Variants in UNC5C observed in about 807,000 individuals in gnomAD.
The protein encoded by UNC5C is unc-5 netrin receptor C, also known as netrin receptor UNC5C.
UNC5C carries 47 observed loss-of-function variants against 99.8 expected under a neutral mutation model. That is an observed-to-expected ratio of 0.47 (90% CI 0.37 to 0.60). The LOEUF (loss-of-function observed/expected upper bound fraction) is 0.60, where lower values mean the gene tolerates loss of function less well. UNC5C is among the 20% of genes least tolerant of loss of function. The pLI is 0.00. For missense variants in UNC5C, 1,062 were observed against 1,165.9 expected, an observed-to-expected ratio of 0.91 and a Z score of 1.30; for synonymous variants, 487 against 452.2, an observed-to-expected ratio of 1.08 and a Z score of -0.98.
At chr4:95,403,445 G>A (rs1466399655) in intron 1 of UNC5C, among the ~76,000 whole-genome samples, 2 of 152,160 alleles carry the variant, frequency 1.3e-5, no homozygotes, top group Non-Finnish European at 2.9e-5. Flanking sequence ...TAGACAGCAG[G>A]AGGCCACTGA....
chr4:95,403,016 G>A (rs1320707780), intron 1 of UNC5C, among the ~76,000 whole-genome samples: 1 of 152,058 alleles, frequency 6.6e-6, no homozygotes, highest in Admixed American at 6.6e-5. Flanking sequence ...AATTTGATGA[G>A]TATAAATTAC....
intron 3 of UNC5C, among the ~76,000 whole-genome samples, chr4:95,290,620 T>C (rs1357547475): frequency 6.6e-6 from 1 of 152,202 alleles, no homozygotes; most frequent in Non-Finnish European, 1.5e-5. Flanking sequence ...CTTCATAGGA[T>C]GTCGTATGAA....
chr4:95,193,196 G>A (rs1737228037), intron 12 of UNC5C, among the ~76,000 whole-genome samples: 1 of 152,210 alleles, frequency 6.6e-6, no homozygotes, highest in Non-Finnish European at 1.5e-5. Flanking sequence ...CTGCCACGAG[G>A]CCAGGCATCA....
At chr4:95,219,921 G>A in intron 8 of UNC5C, 64 bp downstream of exon 8, 1 of 1,534,418 alleles carries the variant, frequency 6.5e-7, no homozygotes, top group Admixed American at 1.9e-5. Flanking sequence ...TGACTCTAAA[G>A]TCATTGATTT....
At position 95,378,191 on chromosome 4, in the gene UNC5C, T is replaced by C. The variant is rs1013683389; in HGVS notation, c.125-42560A>G. 1.4e-3 allele frequency among the ~76,000 whole-genome samples: 220 copies of C among 152,318 alleles called. 2 individuals are homozygous for C. The highest frequency in any genetic ancestry group is 1.4e-3 in the Non-Finnish European group (98 of 68,022). ...GGAATACGCTGATGGAAATGAGAAT[T>C]ATAGTTTTAACAATTCATGTTAGTT... is the stretch of plus-strand genomic sequence containing the variant. On this transcript the variant is annotated intron_variant, in intron 1 of 15. Coordinates refer to ENST00000453304, the MANE Select transcript of UNC5C (RefSeq NM_003728.4).
chr4:95,270,191 C>A (rs1437569147), intron 4 of UNC5C, among the ~76,000 whole-genome samples: 2 of 152,122 alleles, frequency 1.3e-5, no homozygotes, highest in East Asian at 1.9e-4. Context: ...CAAAAAAGTT[C>A]TCTACTGTGG....
chr4:95,187,678 C>T (rs3796462), intron 12 of UNC5C, among the ~76,000 whole-genome samples: 84,765 of 152,106 alleles, frequency 0.56, 26,671 homozygotes, highest in Admixed American at 0.73. Context: ...AAGAATTCTC[C>T]CTAGTGGGGA....
chr4:95,187,532 C>G (rs1169970439), intron 12 of UNC5C, among the ~76,000 whole-genome samples: 2 of 152,164 alleles, frequency 1.3e-5, no homozygotes, highest in African/African-American at 2.4e-5. Flanking sequence ...GAAAAAAACC[C>G]AAACTGCCTA....
intron 1 of UNC5C, among the ~76,000 whole-genome samples, chr4:95,388,012 A>T (rs1208926366): frequency 1.3e-5 from 2 of 152,222 alleles, no homozygotes; most frequent in Non-Finnish European, 2.9e-5. Flanking sequence ...CATTTGCTTT[A>T]ACATTGAAAA....
intron 4 of UNC5C, among the ~76,000 whole-genome samples, chr4:95,263,361 G>A (rs1740317979): frequency 6.6e-6 from 1 of 152,074 alleles, no homozygotes; most frequent in Admixed American, 6.5e-5. Context: ...GTCTTTTAGG[G>A]ATATGCTAGC....
chr4:95,517,687 C>T (rs1266549540), intron 1 of UNC5C, among the ~76,000 whole-genome samples: 1 of 152,056 alleles, frequency 6.6e-6, no homozygotes, highest in African/African-American at 2.4e-5. Context: ...GGAATGGAGG[C>T]ACAGTACCAA....
intron 3 of UNC5C, among the ~76,000 whole-genome samples, chr4:95,295,909 A>G (rs1741652994): frequency 6.6e-6 from 1 of 152,228 alleles, no homozygotes; most frequent in South Asian, 2.1e-4. Context: ...ACATGGAGGG[A>G]CCCCTATTTC....
chr4:95,398,820 C>A (rs1745601866), intron 1 of UNC5C, among the ~76,000 whole-genome samples: 1 of 152,050 alleles, frequency 6.6e-6, no homozygotes, highest in African/African-American at 2.4e-5. Flanking sequence ...AACAGTGTGT[C>A]CTTTTTCTGC....
At chr4:95,253,266 A>G (rs1161401519) in intron 4 of UNC5C, among the ~76,000 whole-genome samples, 2 of 152,296 alleles carry the variant, frequency 1.3e-5, no homozygotes, top group South Asian at 4.1e-4. Flanking sequence ...ATGTCAGTTT[A>G]ACAGTGATGT....
intron 2 of UNC5C, 56 bp downstream of exon 2, chr4:95,335,354 T>G: frequency 6.8e-7 from 1 of 1,469,000 alleles, no homozygotes; most frequent in South Asian, 1.2e-5. Flanking sequence ...GTCCACATGC[T>G]AGAGTAGTGA....
intron 1 of UNC5C, among the ~76,000 whole-genome samples, chr4:95,538,736 AAT>A (rs1337138702): frequency 5.9e-5 from 9 of 152,298 alleles, no homozygotes; most frequent in Admixed American, 5.2e-4. Flanking sequence ...AATAATAATC[AAT>A]ATATGTTTAT....
At chr4:95,320,329 G>A (rs1408353559) in intron 2 of UNC5C, among the ~76,000 whole-genome samples, 2 of 150,676 alleles carry the variant, frequency 1.3e-5, no homozygotes, top group East Asian at 4.0e-4. Context: ...GGCTGAGGCA[G>A]GAGGATTGCT....
chr4:95,509,726 T>A (rs891403291), intron 1 of UNC5C, among the ~76,000 whole-genome samples: 4 of 151,900 alleles, frequency 2.6e-5, no homozygotes, highest in African/African-American at 7.2e-5. Flanking sequence ...ATTCTCAGTA[T>A]ATTATTATAT....
rs563684275 is a variant in UNC5C at position 95,169,137 on chromosome 4, T to C, written c.*97A>G. The C allele has an allele frequency of 2.7e-6, 4 of 1,490,170 alleles. No homozygotes were observed. The highest frequency in any genetic ancestry group is 4.6e-5 in the East Asian group (2 of 43,944). 92.3% of individuals were successfully genotyped at this position (1,490,170 alleles called of 1,614,324 possible). A position where few individuals can be genotyped will look rare whatever the true frequency, so the allele number is the denominator to read the frequency against. On this transcript the variant is annotated 3_prime_UTR_variant, in exon 16 of 16. Transcript: ENST00000453304. The stretch of plus-strand genomic sequence containing the variant: ...CTGCAGTCTTGCCTGTGAAGTGCAT[T>C]GGTCTCATCTGGATTTCCTCCTCAG...
Sources: gnomAD v4.1 joint callset for allele counts (sites outside exome capture counted in the v4.1 genomes callset) on GRCh38, gnomAD v4.1.1 for gene constraint, MANE v1.5 for transcripts, NCBI Gene and HGNC (gene_info 2026-07-23, HGNC 2026-07-21) for gene names.